The following PDE1C variants were observed in gnomAD, a reference collection of about 807,000 sequenced individuals.
The protein encoded by PDE1C is phosphodiesterase 1C.
In PDE1C, 62 loss-of-function variants were observed where a neutral mutation model predicts 93.1. The observed-to-expected ratio is 0.67, with a 90% CI of 0.54 to 0.82. The LOEUF is 0.82. Ranked by LOEUF, PDE1C falls within the 40% of genes least tolerant of loss-of-function variation. PDE1C has a pLI of 0.00. For missense variants in PDE1C, 742 were observed against 884.6 expected (o/e 0.84, Z 2.04); for synonymous variants, 325 against 310.1 (o/e 1.05, Z -0.50).
chr7:31,999,462 C>T (rs536676948), intron 2 of PDE1C, among the ~76,000 whole-genome samples: 63 of 152,236 alleles, frequency 4.1e-4, no homozygotes, highest in African/African-American at 1.4e-3. Context: ...CTGTGCAAAA[C>T]CATGCTCAGT....
chr7:32,207,766 A>G (rs558944881), intron 2 of PDE1C, among the ~76,000 whole-genome samples: 101 of 152,306 alleles, frequency 6.6e-4, no homozygotes, highest in African/African-American at 2.3e-3. Context: ...CATACAGTTG[A>G]GAAGTTCACA....
intron 16 of PDE1C, among the ~76,000 whole-genome samples, chr7:31,795,211 T>C (rs374728416): frequency 5.3e-5 from 8 of 151,956 alleles, no homozygotes; most frequent in African/African-American, 1.9e-4. Flanking sequence ...AGTGTTAAGT[T>C]CTGCCTTTGG....
chr7:32,061,066 C>T (rs1319286040), intron 1 of PDE1C, among the ~76,000 whole-genome samples: 1 of 152,166 alleles, frequency 6.6e-6, no homozygotes, highest in Admixed American at 6.5e-5. Context: ...TCCATATTTA[C>T]TAGATGTATC....
intron 16 of PDE1C, chr7:31,785,875 C>A (rs1267482398): frequency 6.6e-6 from 1 of 151,934 alleles, no homozygotes; most frequent in Non-Finnish European, 1.5e-5. Context: ...CTCTTGATAC[C>A]CAGAGGGAGG....
chr7:31,692,412 A>G, the PDE1C span: 1 of 1,537,510 alleles, frequency 6.5e-7, no homozygotes, highest in Admixed American at 1.7e-5. Flanking sequence ...TTAGTGCTGG[A>G]GAAGAAATAC....
In PDE1C at chr7:32,268,879, G is replaced by A. The variant is rs371628210; in HGVS notation, c.85+29772C>T. 6.6e-5 allele frequency among the ~76,000 whole-genome samples: 10 copies of A among 152,240 alleles called. No individual in the cohort carries two copies. In the East Asian group the frequency reaches 9.6e-4, roughly 15 times the overall value. On this transcript the variant is annotated intron_variant, in intron 1 of 18. Transcript: ENST00000396193. ...AGAATTCCTGAATGCTGTCCAGGGA[G>A]GGGGCAAGAGAGATCAAGGGACCAG...
At chr7:31,949,144 T>G (rs1482430450) in intron 2 of PDE1C, among the ~76,000 whole-genome samples, 1 of 152,104 alleles carries the variant, frequency 6.6e-6, no homozygotes, top group Non-Finnish European at 1.5e-5. Flanking sequence ...GTCCAATATG[T>G]TATCTAGTTG....
chr7:32,282,485 A>AATAGATAGCTAGATAGATACATAGATAG (rs376678996), intron 1 of PDE1C, among the ~76,000 whole-genome samples: 14 of 143,930 alleles, frequency 9.7e-5, no homozygotes, highest in African/African-American at 2.6e-4. Context: ...TCAAAAAAAA[A>AATAGATAGCTAGATAGATACATAGATAG]ATAGATAGAT....
chr7:31,748,984 A>G (rs578022258), downstream of PDE1C, among the ~76,000 whole-genome samples: 15 of 152,356 alleles, frequency 9.8e-5, no homozygotes, highest in African/African-American at 3.6e-4. Context: ...CATCTAAGGA[A>G]GAGAGATTTG....
intron 15 of PDE1C, among the ~76,000 whole-genome samples, chr7:31,815,567 C>T (rs895686891): frequency 6.6e-5 from 10 of 152,058 alleles, no homozygotes; most frequent in African/African-American, 1.9e-4. Context: ...CCTCATAGAG[C>T]GATGGTATAT....
At chr7:32,212,022 T>A (rs1806072285) in intron 1 of PDE1C, among the ~76,000 whole-genome samples, 2 of 72,746 alleles carry the variant, frequency 2.7e-5, no homozygotes, top group South Asian at 5.4e-4. Context: ...CGAGAACCTA[T>A]CTCAAAAAAA....
intron 7 of PDE1C, among the ~76,000 whole-genome samples, chr7:31,853,690 T>A (rs1392993025): frequency 6.6e-6 from 1 of 151,628 alleles, no homozygotes; most frequent in Non-Finnish European, 1.5e-5. Flanking sequence ...AAAGCAGGGT[T>A]TTTTTGTTTT....
At chr7:32,009,158 T>C (rs1001450940) in intron 2 of PDE1C, among the ~76,000 whole-genome samples, 2 of 152,154 alleles carry the variant, frequency 1.3e-5, no homozygotes, top group Admixed American at 6.5e-5. Context: ...GAACAGGCAA[T>C]GAAGGTTTGC....
chr7:32,317,587 T>G (rs549010376), intron 1 of PDE1C, among the ~76,000 whole-genome samples: 5 of 118,738 alleles, frequency 4.2e-5, no homozygotes, highest in East Asian at 4.2e-4. Flanking sequence ...AAAGTGATAG[T>G]TTTTTTTTTT....
chr7:32,271,716 C>T (rs1562638709), intron 1 of PDE1C, among the ~76,000 whole-genome samples: 1 of 152,156 alleles, frequency 6.6e-6, no homozygotes, highest in Non-Finnish European at 1.5e-5. Context: ...GTCTTAGCAA[C>T]AGGGCCTCCA....
intron 2 of PDE1C, among the ~76,000 whole-genome samples, chr7:31,912,643 T>C (rs1801392937): frequency 6.6e-6 from 1 of 152,104 alleles, no homozygotes; most frequent in South Asian, 2.1e-4. Context: ...GCTATGATCA[T>C]GCCACTGCAC....
At chr7:32,297,196 C>G (rs1204187830) in intron 1 of PDE1C, among the ~76,000 whole-genome samples, 1 of 152,098 alleles carries the variant, frequency 6.6e-6, no homozygotes, top group African/African-American at 2.4e-5. Flanking sequence ...AGTCCATGCC[C>G]CAGAAACCTT....
intron 7 of PDE1C, among the ~76,000 whole-genome samples, chr7:31,861,280 C>G (rs112022454): frequency 3.0e-4 from 45 of 152,210 alleles, no homozygotes; most frequent in African/African-American, 1.0e-3. Context: ...GGCTCTAATT[C>G]TTTGCCTTCA....
At chr7:31,891,890 A>G (rs929958926) in intron 2 of PDE1C, among the ~76,000 whole-genome samples, 1 of 152,040 alleles carries the variant, frequency 6.6e-6, no homozygotes, top group Admixed American at 6.6e-5. Flanking sequence ...AGATTATGCT[A>G]ATATCAGTAT....
Sources: allele counts gnomAD v4.1 joint callset (sites outside exome capture counted in the v4.1 genomes callset), GRCh38; gene constraint gnomAD v4.1.1; transcripts MANE v1.5; gene names NCBI Gene and HGNC (gene_info 2026-07-23, HGNC 2026-07-21).